KANSL1L: variants seen among roughly 807,000 people sequenced by gnomAD.
KANSL1L encodes KAT8 regulatory NSL complex subunit 1-like protein.
KANSL1L carries 25 observed loss-of-function variants against 108.6 expected under a neutral mutation model. The ratio of observed to expected loss-of-function variants is 0.23; its 90% CI spans 0.17 to 0.32. The LOEUF (loss-of-function observed/expected upper bound fraction) is 0.32, where lower values mean the gene tolerates loss of function less well. Among genes scored for constraint, KANSL1L ranks in the 10% least tolerant of loss-of-function variants. The pLI is 1.00. For synonymous variants in KANSL1L, 405 were observed against 395.1 expected (o/e 1.03, Z -0.30); for missense variants, 1,137 against 1,125.7 (o/e 1.01, Z -0.14).
At chr2:210,112,966 T>C (rs1302409758) in intron 3 of KANSL1L, among the ~76,000 whole-genome samples, 1 of 152,226 alleles carries the variant, frequency 6.6e-6, no homozygotes, top group Non-Finnish European at 1.5e-5. Context: ...CCTAGTCCCA[T>C]GGCAGGCAGC....
At chr2:210,131,457 T>C (rs1263618829) in intron 2 of KANSL1L, among the ~76,000 whole-genome samples, 3 of 152,078 alleles carry the variant, frequency 2.0e-5, no homozygotes, top group Non-Finnish European at 4.4e-5. Flanking sequence ...TCCCCTATAA[T>C]ATGCAATTTG....
chr2:210,086,377 A>G (rs945838776), intron 5 of KANSL1L, among the ~76,000 whole-genome samples: 1 of 152,086 alleles, frequency 6.6e-6, no homozygotes, highest in Admixed American at 6.5e-5. Context: ...TGAAAACCAA[A>G]AACTATCCCT....
chr2:210,167,393 A>T (rs1303144481), intron 1 of KANSL1L, among the ~76,000 whole-genome samples: 1 of 152,056 alleles, frequency 6.6e-6, no homozygotes, highest in Admixed American at 6.5e-5. Flanking sequence ...TTAAAGATAA[A>T]GCCACTTGGG....
At chr2:210,092,365 T>C (rs1301624067) in intron 5 of KANSL1L, among the ~76,000 whole-genome samples, 4 of 152,222 alleles carry the variant, frequency 2.6e-5, no homozygotes, top group Admixed American at 6.5e-5. Context: ...TTCATATCTT[T>C]TGCTACATTT....
intron 6 of KANSL1L, among the ~76,000 whole-genome samples, chr2:210,071,514 C>A (rs551372577): frequency 6.6e-6 from 1 of 152,170 alleles, no homozygotes; most frequent in East Asian, 1.9e-4. Flanking sequence ...GGTGATCCAC[C>A]CCCCTCGGCC....
intron 1 of KANSL1L, among the ~76,000 whole-genome samples, chr2:210,162,729 C>CATT (rs58265562): frequency 0.95 from 143,605 of 151,924 alleles, 68,395 homozygotes; most frequent in East Asian, 1. Flanking sequence ...AAAAGATCAT[C>CATT]GAGATAGGAG....
intron 5 of KANSL1L, among the ~76,000 whole-genome samples, chr2:210,087,366 T>G (rs536215572): frequency 6.6e-6 from 1 of 152,160 alleles, no homozygotes; most frequent in South Asian, 2.1e-4. Context: ...CAGATTTTTT[T>G]AAATATCTCT....
At chr2:210,079,646 A>ATGTGTGTG (rs1479483880) in intron 5 of KANSL1L, among the ~76,000 whole-genome samples, 1 of 13,128 alleles carries the variant, frequency 7.6e-5, no homozygotes, top group East Asian at 5.9e-3. Flanking sequence ...ATATATATAT[A>ATGTGTGTG]TATATATATA....
At chr2:210,081,153 C>T (rs1051454184) in intron 5 of KANSL1L, among the ~76,000 whole-genome samples, 1 of 151,938 alleles carries the variant, frequency 6.6e-6, no homozygotes, top group African/African-American at 2.4e-5. Flanking sequence ...TGTAACAAGG[C>T]CAAATGGAGC....
At chr2:210,023,712 TGAGGA>T (rs2093893306) in intron 14 of KANSL1L, among the ~76,000 whole-genome samples, 1 of 152,148 alleles carries the variant, frequency 6.6e-6, no homozygotes, top group African/African-American at 2.4e-5. Flanking sequence ...TCTTAAGATA[TGAGGA>T]GAAAGAAATA....
rs545516756 is a variant in KANSL1L, at chr2:210,029,808, A to G, written c.2266T>C (p.Ser756Pro). Residue 756 changes from serine to proline, a missense_variant, in exon 10 of 15, where the codon TCA becomes CCA. Ser to Pro is a moderately conservative substitution (Grantham distance 74). This residue lies in a region of KANSL1L where 575 missense variants were observed against 567.1 expected (regional missense o/e 1.01). Transcript: ENST00000281772. ...VNVLSRIQNS[S>P]RNTARRRLRS... ...CAACATATGGAAAAACCTACTCGTG[A>G]TGAATTCTGGATTCTTGATAAAACG... The G allele has an allele frequency of 8.5e-6, 13 of 1,538,246 alleles. No individual in the cohort carries two copies. The highest frequency in any genetic ancestry group is 5.2e-5 in the Admixed American group (3 of 58,046).
rs372399090 is a variant in KANSL1L at position 210,058,603 on chromosome 2, G to A, written c.1756-14499C>T. 1.3e-4 allele frequency among the ~76,000 whole-genome samples: 20 copies of A among 152,206 alleles called. No individual in the cohort carries two copies. In the East Asian group the frequency reaches 2.3e-3, roughly 18 times the overall value. ...AATCCCAGCACTTTAGGAGGCTGAG[G>A]CAGGTGGATCACGAGGTCAGGAGAT... On this transcript the variant is annotated intron_variant, in intron 6 of 14. Coordinates refer to ENST00000281772, the MANE Select transcript of KANSL1L (RefSeq NM_152519.4).
At chr2:210,081,639 T>C (rs138855794) in intron 5 of KANSL1L, among the ~76,000 whole-genome samples, 1 of 152,352 alleles carries the variant, frequency 6.6e-6, no homozygotes, top group East Asian at 1.9e-4. Context: ...ATTCCTGATA[T>C]TATGCCTTAC....
intron 5 of KANSL1L, among the ~76,000 whole-genome samples, chr2:210,079,515 G>C (rs2094565986): frequency 6.7e-6 from 1 of 148,690 alleles, no homozygotes; most frequent in South Asian, 2.1e-4. Context: ...AGAATCGCTT[G>C]AACCTGGGAG....
intron 5 of KANSL1L, chr2:210,079,793 C>T (rs1234124618): frequency 2.6e-5 from 3 of 117,462 alleles, no homozygotes; most frequent in East Asian, 2.4e-4. Flanking sequence ...CAATACATTC[C>T]TTTTTTTTTT....
chr2:210,105,095 C>T (rs1249121368), intron 3 of KANSL1L, among the ~76,000 whole-genome samples: 2 of 151,968 alleles, frequency 1.3e-5, no homozygotes, highest in African/African-American at 4.8e-5. Context: ...CTGTTCTCAA[C>T]TTTAGGTTCC....
At chr2:210,028,812 G>T in intron 11 of KANSL1L, 33 bp downstream of exon 11, 2 of 1,451,296 alleles carry the variant, frequency 1.4e-6, no homozygotes, top group Admixed American at 4.6e-5. Context: ...AGGGAAGGAA[G>T]GAAGAAAAAT....
chr2:210,058,518 T>C (rs2094382135), intron 6 of KANSL1L, among the ~76,000 whole-genome samples: 1 of 152,074 alleles, frequency 6.6e-6, no homozygotes. Flanking sequence ...TCCCCTCTCC[T>C]TTTGAAAATC....
chr2:210,057,619 T>A (rs1336877449), intron 6 of KANSL1L, among the ~76,000 whole-genome samples: 1 of 152,152 alleles, frequency 6.6e-6, no homozygotes, highest in East Asian at 1.9e-4. Context: ...GAAAATGGCA[T>A]GAACCCGGGT....
Sources: gnomAD v4.1 joint callset for allele counts (sites outside exome capture counted in the v4.1 genomes callset) on GRCh38, gnomAD v4.1.1 for gene constraint, gnomAD v4.1.1 regional missense constraint, MANE v1.5 for transcripts, NCBI Gene and HGNC (gene_info 2026-07-23, HGNC 2026-07-21) for gene names.